The following SDHC variants were observed in gnomAD, a reference collection of about 807,000 sequenced individuals.
SDHC encodes the protein succinate dehydrogenase cytochrome b560 subunit, mitochondrial.
Under a neutral mutation model 22.6 loss-of-function variants are expected in SDHC, and 11 were observed. The observed-to-expected ratio is 0.49, with a 90% CI of 0.31 to 0.81. The LOEUF (loss-of-function observed/expected upper bound fraction) is 0.81, where lower values mean the gene tolerates loss of function less well. SDHC is among the 30% of genes least tolerant of loss of function. The pLI, the probability that SDHC is intolerant of heterozygous loss-of-function variation, is 0.05. For missense variants in SDHC, 160 were observed against 212.0 expected, an observed-to-expected ratio of 0.75 and a Z score of 1.52; for synonymous variants, 80 against 77.8, an observed-to-expected ratio of 1.03 and a Z score of -0.15.
chr1:161,327,596 C>G (rs544528812), intron 2 of SDHC, among the ~76,000 whole-genome samples: 2 of 152,172 alleles, frequency 1.3e-5, no homozygotes, highest in South Asian at 2.1e-4. Flanking sequence ...GAGTCTTGCT[C>G]TGTCTCCCAA....
At chr1:161,339,649 T>A in intron 3 of SDHC, 1 of 396,364 alleles carries the variant, frequency 2.5e-6, no homozygotes, top group Non-Finnish European at 4.3e-6. Context: ...TGTAACCTAA[T>A]CCTGATACAG....
chr1:161,339,452 G>A (rs1186120991), intron 3 of SDHC: 1 of 481,652 alleles, frequency 2.1e-6, no homozygotes, highest in Non-Finnish European at 3.3e-6. Flanking sequence ...CAAAGTACTA[G>A]GATTACAGGT....
intron 5 of SDHC, among the ~76,000 whole-genome samples, chr1:161,361,873 A>G (rs1418056983): frequency 4.7e-5 from 7 of 150,312 alleles, no homozygotes; most frequent in African/African-American, 1.5e-4. Flanking sequence ...AACTGTTTAG[A>G]AAGTCTTGCA....
intron 4 of SDHC, among the ~76,000 whole-genome samples, chr1:161,341,769 G>A (rs1671725395): frequency 6.6e-6 from 1 of 152,112 alleles, no homozygotes; most frequent in Admixed American, 6.5e-5. Flanking sequence ...CTGGATACAT[G>A]CTCTTAAAGC....
chr1:161,343,685 GA>G (rs1411352905), intron 4 of SDHC, among the ~76,000 whole-genome samples: 1 of 152,034 alleles, frequency 6.6e-6, no homozygotes, highest in Non-Finnish European at 1.5e-5. Context: ...ATTGATTAAG[GA>G]ATTTCTAGAT....
intron 4 of SDHC, among the ~76,000 whole-genome samples, chr1:161,354,663 TTGTGTGTGTGTGTGTGTGTG>T (rs60151629): frequency 4.3e-5 from 5 of 116,628 alleles, no homozygotes; most frequent in East Asian, 2.6e-4. Context: ...TCTTATTTCT[TTGTGTGTGTGTGTGTGTGTG>T]TGTGTGTGTG....
At chr1:161,334,124 C>G (rs1571860031) in intron 3 of SDHC, among the ~76,000 whole-genome samples, 1 of 152,314 alleles carries the variant, frequency 6.6e-6, no homozygotes, top group South Asian at 2.1e-4. Context: ...GGCTCTGTTT[C>G]CTTCTGGAGG....
At chr1:161,334,581 G>C (rs1671401486) in intron 3 of SDHC, among the ~76,000 whole-genome samples, 1 of 152,034 alleles carries the variant, frequency 6.6e-6, no homozygotes, top group Admixed American at 6.6e-5. Context: ...TGGGACTATA[G>C]GCATGTACCA....
intron 3 of SDHC, among the ~76,000 whole-genome samples, chr1:161,338,497 C>T (rs762709886): frequency 6.6e-6 from 1 of 152,196 alleles, no homozygotes; most frequent in Non-Finnish European, 1.5e-5. Flanking sequence ...CACCAGTTCT[C>T]TCTTGAGCAT....
chr1:161,358,716 C>T (rs1180990013), intron 5 of SDHC, among the ~76,000 whole-genome samples: 3 of 151,832 alleles, frequency 2.0e-5, no homozygotes, highest in East Asian at 1.9e-4. Context: ...AATCTGAGGC[C>T]GGGAGTTCGA....
intron 4 of SDHC, among the ~76,000 whole-genome samples, chr1:161,354,852 G>T (rs1480130791): frequency 2.0e-5 from 3 of 151,828 alleles, no homozygotes; most frequent in Non-Finnish European, 4.4e-5. Flanking sequence ...TGGGACTACA[G>T]GTGTGCGCCA....
intron 4 of SDHC, among the ~76,000 whole-genome samples, chr1:161,344,808 T>G (rs529120551): frequency 1.1e-4 from 17 of 152,232 alleles, no homozygotes; most frequent in Non-Finnish European, 2.9e-5. Context: ...TTTTGCTTTA[T>G]GGAAACAAGG....
intron 5 of SDHC, among the ~76,000 whole-genome samples, chr1:161,360,113 GT>G (rs1443272094): frequency 2.0e-5 from 3 of 151,586 alleles, no homozygotes; most frequent in Non-Finnish European, 4.4e-5. Flanking sequence ...GTGGGTGTAT[GT>G]GTGTATGTGT....
At chr1:161,330,836 C>T (rs926763319) in intron 3 of SDHC, among the ~76,000 whole-genome samples, 2 of 151,756 alleles carry the variant, frequency 1.3e-5, no homozygotes, top group African/African-American at 2.4e-5. Flanking sequence ...CCTGTCTCTA[C>T]GAAGATACAA....
rs904464009 is a variant in SDHC at position 161,336,244 on chromosome 1, G to A, written c.180-4350G>A. 2.0e-5 allele frequency among the ~76,000 whole-genome samples: 3 copies of A among 152,060 alleles called. No homozygotes were observed. In the South Asian group the frequency reaches 6.2e-4, roughly 32 times the overall value. ...GATGCCAAGGTGGGTGGATCATGAG[G>A]TCAAGAGATCGAGATCATCCTGATC... On this transcript the variant is annotated intron_variant, in intron 3 of 5. Transcript: ENST00000367975.
chr1:161,321,802 A>G (rs774245609), intron 1 of SDHC, among the ~76,000 whole-genome samples: 12 of 152,206 alleles, frequency 7.9e-5, no homozygotes, highest in Non-Finnish European at 1.2e-4. Flanking sequence ...AGATCATTAG[A>G]TCTGTATGAG....
At chr1:161,362,210 C>G in intron 5 of SDHC, 119 bp from the exon 6 acceptor site, 1 of 1,281,910 alleles carries the variant, frequency 7.8e-7, no homozygotes, top group African/African-American at 1.5e-5. Flanking sequence ...AAGCGCTTTT[C>G]TCTAGAATCA....
At chr1:161,345,645 A>T (rs911117186) in intron 4 of SDHC, among the ~76,000 whole-genome samples, 8 of 151,668 alleles carry the variant, frequency 5.3e-5, no homozygotes, top group Non-Finnish European at 7.4e-5. Context: ...TTTAGTAGAG[A>T]CAGGGTTTCA....
chr1:161,337,694 A>G (rs1371210906), intron 3 of SDHC, among the ~76,000 whole-genome samples: 1 of 152,226 alleles, frequency 6.6e-6, no homozygotes, highest in Non-Finnish European at 1.5e-5. Context: ...TAACATTTGA[A>G]TTCAGCAGTT....
Sources: gnomAD v4.1 joint callset for allele counts (sites outside exome capture counted in the v4.1 genomes callset) on GRCh38, gnomAD v4.1.1 for gene constraint, MANE v1.5 for transcripts, NCBI Gene and HGNC (gene_info 2026-07-23, HGNC 2026-07-21) for gene names.